Variants in SHISA6 observed in about 807,000 individuals in gnomAD.
The protein encoded by SHISA6 is shisa family member 6.
A neutral mutation model predicts 47.9 loss-of-function variants in SHISA6; 22 were observed. The observed-to-expected ratio is 0.46, with a 90% CI of 0.33 to 0.66. The LOEUF is 0.66. Ranked by LOEUF, SHISA6 falls within the 30% of genes least tolerant of loss-of-function variation. The pLI, the probability that SHISA6 is intolerant of heterozygous loss-of-function variation, is 0.02. For synonymous variants in SHISA6, 388 were observed against 337.8 expected, an observed-to-expected ratio of 1.15 and a Z score of -1.63; for missense variants, 680 against 764.6, an observed-to-expected ratio of 0.89 and a Z score of 1.30.
Position 11,558,256 on chromosome 17 carries a change from G to A in SHISA6, c.1608G>A (p.Pro536=), listed in dbSNP as rs763674746. 14 of 1,539,696 alleles carry A rather than the reference G, an allele frequency of 9.1e-6. No homozygotes were observed. The highest frequency in any genetic ancestry group is 2.0e-5 in the Admixed American group (1 of 50,988). Residue 536 remains proline, a synonymous_variant, in exon 6 of 6, where the codon CCG becomes CCA. Transcript: ENST00000441885. ...HNTVEQLHYI[P]GHHTCYTASK... is the part of the protein sequence containing the mutation. Reference sequence around the variant, plus strand: ...CGGTGGAGCAGCTGCACTACATCCCGGGCCACCACACCTGCTACACAGCCA... The same window carrying A: ...CGGTGGAGCAGCTGCACTACATCCCAGGCCACCACACCTGCTACACAGCCA...
chr17:11,484,828 T>C (rs182279038), intron 3 of SHISA6, among the ~76,000 whole-genome samples: 5 of 152,274 alleles, frequency 3.3e-5, no homozygotes, highest in East Asian at 1.9e-4. Context: ...CTGGAAGAAA[T>C]TGAAAAAATT....
chr17:11,525,062 G>A (rs2142365916), intron 3 of SHISA6, among the ~76,000 whole-genome samples: 1 of 152,156 alleles, frequency 6.6e-6, no homozygotes, highest in South Asian at 2.1e-4. Flanking sequence ...CTTTTATCTT[G>A]TTTCAGAAAG....
chr17:11,301,936 A>C (rs1909942371), intron 2 of SHISA6, among the ~76,000 whole-genome samples: 1 of 152,228 alleles, frequency 6.6e-6, no homozygotes, highest in Non-Finnish European at 1.5e-5. Flanking sequence ...ATGGCTGGGA[A>C]GGCCTCAGAA....
intron 1 of SHISA6, among the ~76,000 whole-genome samples, chr17:11,243,122 G>T (rs1189828589): frequency 1.3e-5 from 2 of 151,686 alleles, no homozygotes; most frequent in Non-Finnish European, 2.9e-5. Flanking sequence ...ACCACTGCTT[G>T]TCAGTCAGTC....
intron 2 of SHISA6, among the ~76,000 whole-genome samples, chr17:11,359,199 T>C (rs375099699): frequency 4.6e-5 from 7 of 152,232 alleles, no homozygotes; most frequent in African/African-American, 1.7e-4. Context: ...CTTGCTGTCA[T>C]GTTTAAGCAT....
intron 2 of SHISA6, among the ~76,000 whole-genome samples, chr17:11,350,750 A>G (rs1292138705): frequency 6.6e-6 from 1 of 152,052 alleles, no homozygotes; most frequent in Admixed American, 6.5e-5. Flanking sequence ...CCATTCCCTC[A>G]CTCAAAATTC....
intron 3 of SHISA6, among the ~76,000 whole-genome samples, chr17:11,410,608 A>G (rs1185873111): frequency 6.9e-6 from 1 of 145,430 alleles, no homozygotes; most frequent in African/African-American, 2.6e-5. Flanking sequence ...TCGCTGACTG[A>G]TAGTGTCACT....
intron 2 of SHISA6, chr17:11,288,889 A>G (rs1909420855): frequency 6.6e-6 from 1 of 152,168 alleles, no homozygotes; most frequent in Non-Finnish European, 1.5e-5. Context: ...TACTGAGGAC[A>G]GTTGGTATCA....
intron 3 of SHISA6, among the ~76,000 whole-genome samples, chr17:11,511,918 G>C (rs1261056952): frequency 2.0e-5 from 3 of 152,228 alleles, no homozygotes; most frequent in Non-Finnish European, 4.4e-5. Context: ...ATGCAGGACG[G>C]AGACCTTGGG....
At chr17:11,525,132 G>A (rs78810740) in intron 3 of SHISA6, among the ~76,000 whole-genome samples, 1,758 of 152,258 alleles carry the variant, frequency 0.012, 69 homozygotes, top group East Asian at 0.094. Context: ...AGTGAAACAC[G>A]TGGAGGGGAT....
chr17:11,276,600 C>T (rs1908901266), intron 2 of SHISA6, among the ~76,000 whole-genome samples: 1 of 151,880 alleles, frequency 6.6e-6, no homozygotes, highest in African/African-American at 2.4e-5. Context: ...ATCGTTGTCA[C>T]CACCACCACC....
chr17:11,511,989 T>G (rs1170890580), intron 3 of SHISA6, among the ~76,000 whole-genome samples: 3 of 152,228 alleles, frequency 2.0e-5, no homozygotes, highest in Non-Finnish European at 4.4e-5. Context: ...TGCCACTTTT[T>G]CAGCACACTG....
At chr17:11,534,300 G>A (rs1210555833) in intron 3 of SHISA6, among the ~76,000 whole-genome samples, 2 of 151,658 alleles carry the variant, frequency 1.3e-5, no homozygotes, top group East Asian at 1.9e-4. Flanking sequence ...GAGTCACTGC[G>A]CCCGGCCTAT....
chr17:11,272,432 G>A (rs1277495433), intron 2 of SHISA6, among the ~76,000 whole-genome samples: 1 of 152,178 alleles, frequency 6.6e-6, no homozygotes, highest in Non-Finnish European at 1.5e-5. Flanking sequence ...TCCTTGCAGA[G>A]AGGCAGTGGA....
chr17:11,518,741 C>A (rs1056229718), intron 3 of SHISA6, among the ~76,000 whole-genome samples: 2 of 152,184 alleles, frequency 1.3e-5, no homozygotes, highest in African/African-American at 4.8e-5. Context: ...GGAAAGGAGG[C>A]ACCCATTGGA....
chr17:11,321,855 T>C (rs941249101), intron 2 of SHISA6, among the ~76,000 whole-genome samples: 1 of 152,134 alleles, frequency 6.6e-6, no homozygotes, highest in South Asian at 2.1e-4. Flanking sequence ...TCTTAAAACA[T>C]TGAGAGTTTT....
At chr17:11,405,693 T>G (rs1408688295) in intron 3 of SHISA6, among the ~76,000 whole-genome samples, 2 of 151,960 alleles carry the variant, frequency 1.3e-5, no homozygotes, top group Non-Finnish European at 2.9e-5. Flanking sequence ...TCCCAGCTAC[T>G]TGGGAGGCTG....
chr17:11,426,559 A>G (rs1214976596), intron 3 of SHISA6, among the ~76,000 whole-genome samples: 1 of 152,206 alleles, frequency 6.6e-6, no homozygotes, highest in Admixed American at 6.5e-5. Flanking sequence ...CTTTGCCCAG[A>G]GCACCTCTGT....
At chr17:11,271,454 C>T (rs960319261) in intron 2 of SHISA6, among the ~76,000 whole-genome samples, 87 of 152,030 alleles carry the variant, frequency 5.7e-4, no homozygotes, top group African/African-American at 1.9e-3. Context: ...TTTTTTATTT[C>T]GAGATGGAGT....
Sources: gnomAD v4.1 joint callset for allele counts (sites outside exome capture counted in the v4.1 genomes callset) on GRCh38, gnomAD v4.1.1 for gene constraint, MANE v1.5 for transcripts, NCBI Gene and HGNC (gene_info 2026-07-23, HGNC 2026-07-21) for gene names.